Variants in NIPAL2 observed in about 807,000 individuals in gnomAD.
NIPAL2 encodes NIPA-like protein 2.
NIPAL2 carries 43 observed loss-of-function variants against 48.9 expected under a neutral mutation model. The observed-to-expected ratio is 0.88, with a 90% CI of 0.69 to 1.13. The LOEUF (loss-of-function observed/expected upper bound fraction) is 1.13. NIPAL2 is among the 50% of genes most tolerant of loss of function. NIPAL2 has a pLI of 0.00. For synonymous variants in NIPAL2, 167 were observed against 174.6 expected, an observed-to-expected ratio of 0.96 and a Z score of 0.34; for missense variants, 446 against 461.4, an observed-to-expected ratio of 0.97 and a Z score of 0.31.
At chr8:98,208,327 A>C (rs1811140251) in intron 6 of NIPAL2, among the ~76,000 whole-genome samples, 1 of 152,204 alleles carries the variant, frequency 6.6e-6, no homozygotes, top group South Asian at 2.1e-4. Flanking sequence ...GGTTGCCATC[A>C]ACATTTCCTT....
At chr8:98,251,115 G>A (rs1008763156) in intron 3 of NIPAL2, among the ~76,000 whole-genome samples, 1 of 151,476 alleles carries the variant, frequency 6.6e-6, no homozygotes, top group African/African-American at 2.4e-5. Context: ...ACGATATGGT[G>A]CACTCACCAC....
At chr8:98,244,313 C>CT (rs1214640960) in intron 3 of NIPAL2, among the ~76,000 whole-genome samples, 2 of 81,590 alleles carry the variant, frequency 2.5e-5, no homozygotes, top group Non-Finnish European at 4.7e-5. Flanking sequence ...AGAGGGTGGG[C>CT]GTGGTGATGA....
chr8:98,212,271 T>G lies in NIPAL2; in HGVS notation c.655+134A>C, dbSNP rs183267467. The G allele has an allele frequency of 2.8e-3, 1,242 of 440,772 alleles. 4 individuals carry two copies. The highest frequency in any genetic ancestry group is 3.6e-3 in the Non-Finnish European group (893 of 247,474). The allele number at this position is 440,772 out of a possible 1,614,324, so 27.3% of individuals were successfully genotyped here. On this transcript the variant is annotated intron_variant, in intron 6 of 10. Coordinates refer to ENST00000430223, the MANE Select transcript of NIPAL2 (RefSeq NM_001321635.2). ...TATAATTTTTATAATTTAGACTCAG[T>G]TTCTTCCTATAGATCAGAGCTGAAA...
intron 1 of NIPAL2, among the ~76,000 whole-genome samples, chr8:98,286,812 C>CAAAAAAA (rs1182876107): frequency 2.2e-4 from 13 of 57,846 alleles, no homozygotes; most frequent in African/African-American, 7.9e-4. Flanking sequence ...GAGACTCTGT[C>CAAAAAAA]AAAAAAAAAA....
intron 9 of NIPAL2, 49 bp downstream of exon 9, chr8:98,195,893 G>T: frequency 7.4e-7 from 1 of 1,342,844 alleles, no homozygotes; most frequent in Non-Finnish European, 1.1e-6. Context: ...AAAATCCTAC[G>T]TAAAAGTAAT....
rs1199087396 is a variant in NIPAL2, at chr8:98,279,991, AT to A, written c.135+14011del. 2.6e-5 allele frequency among the ~76,000 whole-genome samples: 4 copies of A among 152,362 alleles called. No individual in the cohort carries two copies. In the East Asian group the frequency reaches 5.8e-4, roughly 22 times the overall value. Reference sequence around the variant, plus strand: ...TAGCAGCATTGATAAGTATTCAGATATTTTAATTGTATTTGGAATAACAATT... The same window carrying A: ...TAGCAGCATTGATAAGTATTCAGATATTTAATTGTATTTGGAATAACAATT... On this transcript the variant is annotated intron_variant, in intron 1 of 10. Coordinates refer to ENST00000430223, the MANE Select transcript of NIPAL2 (RefSeq NM_001321635.2).
chr8:98,256,765 A>G (rs560562937), intron 1 of NIPAL2, among the ~76,000 whole-genome samples: 24 of 152,356 alleles, frequency 1.6e-4, no homozygotes, highest in African/African-American at 5.3e-4. Flanking sequence ...TAAACACAGG[A>G]TTACCATATG....
At chr8:98,278,790 A>T (rs1815630017) in intron 1 of NIPAL2, among the ~76,000 whole-genome samples, 1 of 152,200 alleles carries the variant, frequency 6.6e-6, no homozygotes, top group Admixed American at 6.5e-5. Context: ...ACTGTCTAGA[A>T]ATAGGACATT....
intron 1 of NIPAL2, among the ~76,000 whole-genome samples, chr8:98,267,462 A>G (rs1814842457): frequency 1.3e-5 from 2 of 151,820 alleles, no homozygotes; most frequent in South Asian, 4.2e-4. Context: ...AGCTGGGACT[A>G]CAGGTGTGCT....
rs1416020587 is a variant in NIPAL2, at chr8:98,203,323, C to T, written c.792-127G>A. On this transcript the variant is annotated intron_variant, in intron 7 of 10. Coordinates refer to ENST00000430223, the MANE Select transcript of NIPAL2 (RefSeq NM_001321635.2). ...AGGGAAAGGAGGTGCAGTGAAAGGG[C>T]ATTTCCAATCAGCAGTCATAGCTTA... 4.3e-6 allele frequency: 3 copies of T among 696,194 alleles called. No individual in the cohort carries two copies. In the East Asian group the frequency reaches 7.9e-5, roughly 18 times the overall value. The allele number at this position is 696,194 out of a possible 1,614,324, so 43.1% of individuals were successfully genotyped here.
intron 4 of NIPAL2, among the ~76,000 whole-genome samples, chr8:98,228,380 C>G (rs1030985707): frequency 6.6e-6 from 1 of 152,136 alleles, no homozygotes; most frequent in East Asian, 1.9e-4. Flanking sequence ...GTTCCTCACC[C>G]GCAGAAATGT....
chr8:98,206,496 A>G (rs1198336137), intron 6 of NIPAL2, among the ~76,000 whole-genome samples: 1 of 152,096 alleles, frequency 6.6e-6, no homozygotes, highest in African/African-American at 2.4e-5. Context: ...TTAGTTAAAA[A>G]TCATAATTGG....
chr8:98,264,234 CT>C (rs1157362976), intron 1 of NIPAL2, among the ~76,000 whole-genome samples: 1 of 132,034 alleles, frequency 7.6e-6, no homozygotes, highest in Non-Finnish European at 1.6e-5. Context: ...CAGGGATGCC[CT>C]CTCTCACCAC....
chr8:98,217,212 G>A, intron 5 of NIPAL2: 17 of 985,438 alleles, frequency 1.7e-5, no homozygotes, highest in Non-Finnish European at 2.0e-5. Flanking sequence ...TACCAGATCA[G>A]AGGAAAAGCT....
At chr8:98,277,936 T>A (rs1815574100) in intron 1 of NIPAL2, among the ~76,000 whole-genome samples, 1 of 152,250 alleles carries the variant, frequency 6.6e-6, no homozygotes, top group Non-Finnish European at 1.5e-5. Flanking sequence ...TTATTTTTTT[T>A]CTTCTGGCTT....
rs1813158835 is a variant in NIPAL2 at position 98,244,333 on chromosome 8, TGTAATGATGAGAGGGTGG to T, written c.376+8112_377-8120del. Reference sequence around the variant, plus strand: ...GTGGGCGTGGTGATGAGGGGTAGTCTGTAATGATGAGAGGGTGGGCGTGGTGATGAGGGGTAGTCTGTA... The same window carrying T: ...GTGGGCGTGGTGATGAGGGGTAGTCTGCGTGGTGATGAGGGGTAGTCTGTA... On this transcript the variant is annotated intron_variant, in intron 3 of 10. Transcript: ENST00000430223. Among the ~76,000 whole-genome samples the T allele has an allele frequency of 2.2e-4, 10 of 45,484 alleles. 1 individual carries two copies. Among genetic ancestry groups the T allele is most frequent in the African/African-American group, 8.8e-4 (10 of 11,426 alleles). 29.8% of individuals were successfully genotyped at this position (45,484 alleles called of 152,430 possible). A position where few individuals can be genotyped will look rare whatever the true frequency, so the allele number is the denominator to read the frequency against.
At chr8:98,233,346 G>GTT (rs1314264786) in intron 4 of NIPAL2, among the ~76,000 whole-genome samples, 2 of 151,432 alleles carry the variant, frequency 1.3e-5, no homozygotes, top group Admixed American at 1.3e-4. Context: ...CTTGATGTGT[G>GTT]TGTGTGTGTG....
chr8:98,289,424 G>A (rs570879397), intron 1 of NIPAL2, among the ~76,000 whole-genome samples: 12 of 151,984 alleles, frequency 7.9e-5, no homozygotes, highest in South Asian at 6.2e-4. Context: ...CAAGGGCCCC[G>A]GGGACTTATT....
intron 3 of NIPAL2, among the ~76,000 whole-genome samples, chr8:98,248,482 A>G (rs530940465): frequency 2.6e-5 from 4 of 152,340 alleles, no homozygotes; most frequent in East Asian, 1.9e-4. Flanking sequence ...CTTCTGCACA[A>G]TGACCTCTCA....
Sources: allele counts gnomAD v4.1 joint callset (sites outside exome capture counted in the v4.1 genomes callset), GRCh38; gene constraint gnomAD v4.1.1; transcripts MANE v1.5; gene names NCBI Gene and HGNC (gene_info 2026-07-23, HGNC 2026-07-21).